Variants in DNHD1 observed in about 807,000 individuals in gnomAD.
DNHD1 encodes dynein heavy chain domain-containing protein 1.
A neutral mutation model predicts 458.1 loss-of-function variants in DNHD1; 383 were observed. The ratio of observed to expected loss-of-function variants is 0.84; its 90% CI spans 0.77 to 0.91. The LOEUF is 0.91. DNHD1 is among the 40% of genes least tolerant of loss of function. DNHD1 has a pLI of 0.00. For missense variants in DNHD1, 5,336 were observed against 5,866.1 expected, an observed-to-expected ratio of 0.91 and a Z score of 2.95; for synonymous variants, 2,203 against 2,376.9, an observed-to-expected ratio of 0.93 and a Z score of 2.13.
intron 7 of DNHD1, among the ~76,000 whole-genome samples, chr11:6,512,030 C>T (rs10839569): frequency 0.28 from 42,061 of 151,502 alleles, 6,449 homozygotes; most frequent in Non-Finnish European, 0.34. Flanking sequence ...GAGAGGAGGC[C>T]CACTCAGATT....
At chr11:6,567,905 G>C (rs778860551) in intron 36 of DNHD1, 45 bp downstream of exon 36, 1 of 1,538,458 alleles carries the variant, frequency 6.5e-7, no homozygotes, top group South Asian at 1.3e-5. Context: ...GGCTCCTGTG[G>C]GCTGGGGCAT....
chr11:6,568,464 C>T lies in DNHD1; in HGVS notation c.12549C>T (p.Asp4183=), dbSNP rs1188506022. Reference sequence around the variant, plus strand: ...CTTGTCTGACTCTAGTGGTTGCAGACCTGGAATCAGAACAGCTTTTAGACC... The same window carrying T: ...CTTGTCTGACTCTAGTGGTTGCAGATCTGGAATCAGAACAGCTTTTAGACC... ...ELLGRAKVVA[D]LESEQLLDQP... is the part of the protein sequence containing the mutation. Residue 4183 remains aspartate, a synonymous_variant, in exon 38 of 43, where the codon GAC becomes GAT. Coordinates refer to ENST00000254579, the MANE Select transcript of DNHD1 (RefSeq NM_144666.3). 4 of 1,613,496 alleles carry T rather than the reference C, an allele frequency of 2.5e-6. No individual in the cohort carries two copies. The highest frequency in any genetic ancestry group is 1.1e-5 in the South Asian group (1 of 91,076).
intron 3 of DNHD1, among the ~76,000 whole-genome samples, chr11:6,500,416 G>A (rs1852109861): frequency 1.3e-5 from 2 of 152,216 alleles, no homozygotes; most frequent in African/African-American, 4.8e-5. Context: ...TTTGCTGTAA[G>A]TTTATGGCTG....
Position 6,498,684 on chromosome 11 carries a change from C to A in DNHD1, c.469C>A (p.His157Asn). 2 of 1,614,226 alleles carry A rather than the reference C, an allele frequency of 1.2e-6. No homozygotes were observed. Among genetic ancestry groups the A allele is most frequent in the South Asian group, 2.2e-5 (2 of 91,078 alleles). ...ADCCPQKRRLHHRPPCPACPF... is the reference protein window; with the variant it reads ...ADCCPQKRRLNHRPPCPACPF... ...CTGCTGTCCCCAGAAGCGGAGGCTC[C>A]ATCACAGGCCCCCATGCCCAGCTTG... Residue 157 changes from histidine (H) to asparagine (N), a missense_variant, in exon 3 of 43, where the codon CAT (histidine) becomes AAT (asparagine). His to Asn is a moderately conservative substitution (Grantham distance 68). Transcript: ENST00000254579.
chr11:6,516,449 C>T (rs756104809), intron 7 of DNHD1, among the ~76,000 whole-genome samples: 1 of 151,828 alleles, frequency 6.6e-6, no homozygotes, highest in Non-Finnish European at 1.5e-5. Context: ...AGGTGCCCAC[C>T]ACCACGCCTG....
Position 6,544,258 on chromosome 11 carries a change from C to G in DNHD1, c.3754+12C>G. The G allele has an allele frequency of 6.4e-7, 1 of 1,551,354 alleles. No individual in the cohort carries two copies. The highest frequency in any genetic ancestry group is 1.2e-5 in the South Asian group (1 of 84,048). On this transcript the variant is annotated intron_variant, in intron 19 of 42. Coordinates refer to ENST00000254579, the MANE Select transcript of DNHD1 (RefSeq NM_144666.3). ...CATGCATGGCCTGGGTAAGTGCAGG[C>G]CTCTAGCCAGGCTGATGGGTGAGAC...
At position 6,566,333 on chromosome 11, in the gene DNHD1, G is replaced by A; in HGVS notation, c.11146G>A (p.Val3716Met). 1 of 1,553,958 alleles carries A rather than the reference G, an allele frequency of 6.4e-7. No homozygotes were observed. The highest frequency in any genetic ancestry group is 1.4e-5 in the African/African-American group (1 of 73,222). Residue 3716 changes from valine to methionine, a missense_variant, in exon 34 of 43, where the codon GTG becomes ATG. Physicochemically the swap from Val to Met is conservative, Grantham distance 21. This residue lies in a region of DNHD1 where 695 missense variants were observed against 804.2 expected (regional missense o/e 0.86). Transcript: ENST00000254579. ...LQREQLSPPQ[V>M]QPGFCLYLST... ...ACGGGAGCAGCTGAGTCCACCCCAG[G>A]TGCAGCCTGGCTTCTGTCTGTATCT... is the stretch of plus-strand genomic sequence containing the variant.
chr11:6,564,744 T>TTG lies in DNHD1; in HGVS notation c.10697_10698dup (p.Asp3567TrpfsTer25). 6.5e-7 allele frequency: 1 copy of TTG among 1,547,406 alleles called. No homozygotes were observed. Among genetic ancestry groups the TTG allele is most frequent in the Non-Finnish European group, 8.7e-7 (1 of 1,143,678 alleles). On this transcript the variant is annotated frameshift_variant, in exon 32 of 43. Coordinates refer to ENST00000254579, the MANE Select transcript of DNHD1 (RefSeq NM_144666.3). LOFTEE classifies it high-confidence loss of function. Reference sequence around the variant, plus strand: ...CCCCAGCAACGAGGCCCTCATCTGGTTGGACCCGCTGCCTCTGGAAGAGAA... The same window carrying TTG: ...CCCCAGCAACGAGGCCCTCATCTGGTTGTGGACCCGCTGCCTCTGGAAGAGAA...
At chr11:6,507,755 A>G (rs1852257470) in intron 4 of DNHD1, among the ~76,000 whole-genome samples, 1 of 152,210 alleles carries the variant, frequency 6.6e-6, no homozygotes, top group African/African-American at 2.4e-5. Flanking sequence ...CTTTGGTTTT[A>G]AATCCTGTAT....
At position 6,545,101 on chromosome 11, in the gene DNHD1, T is replaced by A. The variant is rs562275293; in HGVS notation, c.4162T>A (p.Phe1388Ile). ...AGCCCAGCTATGGGTACGACGCTGCTTTCCTCATGTGCATGCTGTGAGCTT... is the reference window on the plus strand; with the variant it reads ...AGCCCAGCTATGGGTACGACGCTGCATTCCTCATGTGCATGCTGTGAGCTT... ...CEAQLWVRRC[F>I]PHVHAVSFRS... The change falls in exon 21 of 43, where the codon TTT becomes ATT. Residue 1388 changes from phenylalanine to isoleucine, a missense_variant. Phe to Ile is a conservative substitution (Grantham distance 21). Around this residue, in one of 4 missense-constraint regions of DNHD1, gnomAD observed 3,932 missense variants for 4,365.6 expected, o/e 0.90. Transcript: ENST00000254579. This position sits in a 1 kb window ranked among gnomAD's most constrained non-coding sequence, Gnocchi z 4.9. 6.4e-7 allele frequency: 1 copy of A among 1,552,122 alleles called. No homozygotes were observed. Among genetic ancestry groups the A allele is most frequent in the East Asian group, 2.4e-5 (1 of 40,928 alleles).
chr11:6,528,262 A>G (rs780663800), intron 10 of DNHD1, among the ~76,000 whole-genome samples: 2 of 152,228 alleles, frequency 1.3e-5, no homozygotes, highest in Non-Finnish European at 2.9e-5. Flanking sequence ...ATATTCTGTA[A>G]TAAGTCCCTC....
chr11:6,558,518 G>C lies in DNHD1; in HGVS notation c.9036G>C (p.Leu3012=). Residue 3012 remains leucine (L), a synonymous_variant, in exon 26 of 43, where the codon CTG becomes CTC. Coordinates refer to ENST00000254579, the MANE Select transcript of DNHD1 (RefSeq NM_144666.3). ...FHQQVCSHLH[L]FFLIGDKQAH... ...AGCAAGTGTGCAGCCACCTTCACCT[G>C]TTCTTCCTGATTGGAGATAAACAGG... The C allele has an allele frequency of 6.4e-7, 1 of 1,551,692 alleles. No individual in the cohort carries two copies. The highest frequency in any genetic ancestry group is 2.4e-5 in the East Asian group (1 of 40,914).
chr11:6,570,534 AAAGGCTCAGAGG>A (rs1352310828), intron 41 of DNHD1, 72 bp from the exon 42 acceptor site: 2 of 1,484,734 alleles, frequency 1.3e-6, no homozygotes, highest in Admixed American at 4.6e-5. Flanking sequence ...TGATGGCAGT[AAAGGCTCAGAGG>A]AAGGCCTACT....
rs1211942152 is a variant in DNHD1, at chr11:6,533,938, G to A, written c.2763G>A (p.Gln921=). 6 of 1,551,354 alleles carry A rather than the reference G, an allele frequency of 3.9e-6. No individual in the cohort carries two copies. Among genetic ancestry groups the A allele is most frequent in the Admixed American group, 2.0e-5 (1 of 50,982 alleles). ...MWEAFQFEKS[Q]ASEFLLSKRH... ...AGGCATTTCAGTTTGAGAAAAGCCAGGCTTCAGAGTTCCTGCTCAGCAAGC... is the reference window on the plus strand; with the variant it reads ...AGGCATTTCAGTTTGAGAAAAGCCAAGCTTCAGAGTTCCTGCTCAGCAAGC... The change falls in exon 14 of 43, where the codon CAG becomes CAA. Residue 921 remains glutamine, a synonymous_variant. Coordinates refer to ENST00000254579, the MANE Select transcript of DNHD1 (RefSeq NM_144666.3).
At position 6,558,266 on chromosome 11, in the gene DNHD1, C is replaced by T. The variant is rs1335032033; in HGVS notation, c.8971C>T (p.Gln2991Ter). ...HLPRENLGVK[Q>*]NIKKEMVLQR... ...CCCCAGGGAGAACCTTGGTGTCAAA[C>T]AGAACATCAAGAAGGAAATGGTGTT... Residue 2991 changes from glutamine to a stop codon, truncating the protein, a stop_gained, in exon 25 of 43, where the codon CAG (glutamine) becomes TAG (stop). Coordinates refer to ENST00000254579, the MANE Select transcript of DNHD1 (RefSeq NM_144666.3). LOFTEE classifies it high-confidence loss of function. The T allele has an allele frequency of 3.9e-6, 6 of 1,551,418 alleles. No individual in the cohort carries two copies. In the African/African-American group the frequency reaches 6.8e-5, roughly 18 times the overall value.
At chr11:6,532,786 G>A (rs942526371) in intron 12 of DNHD1, among the ~76,000 whole-genome samples, 4 of 152,122 alleles carry the variant, frequency 2.6e-5, no homozygotes, top group Non-Finnish European at 5.9e-5. Context: ...GCCTCATATT[G>A]TGAGCTTTTC....
chr11:6,564,158 G>A lies in DNHD1; in HGVS notation c.10284+34G>A, dbSNP rs184788809. 9.7e-6 allele frequency: 15 copies of A among 1,540,784 alleles called. No individual in the cohort carries two copies. The East Asian group carries it at 3.2e-4, about 33-fold the overall frequency. ...CCCCCTCCCAGATGTCTCCCCCAAA[G>A]TTCCTTTTATGCCGTTCGCCTGCTC... On this transcript the variant is annotated intron_variant, in intron 31 of 42. Transcript: ENST00000254579.
chr11:6,512,211 C>CTTTTTTTTTTTT lies in DNHD1; in HGVS notation c.1392+798_1392+809dup, dbSNP rs11287049. On this transcript the variant is annotated intron_variant, in intron 7 of 42. Coordinates refer to ENST00000254579, the MANE Select transcript of DNHD1 (RefSeq NM_144666.3). ...CAAGGAATTTCTTTTCTTTTTCTTT[C>CTTTTTTTTTTTT]TTTTTTTTTTTTTTTTTTTTTTTTT... Among the ~76,000 whole-genome samples, 118 of 91,624 alleles carry CTTTTTTTTTTTT rather than the reference C, an allele frequency of 1.3e-3. 6 individuals are homozygous for CTTTTTTTTTTTT. The highest frequency in any genetic ancestry group is 4.8e-3 in the African/African-American group (102 of 21,342). The allele number at this position is 91,624 out of a possible 152,430, so 60.1% of individuals were successfully genotyped here. A position where few individuals can be genotyped will look rare whatever the true frequency, so the allele number is the denominator to read the frequency against.
At position 6,544,565 on chromosome 11, in the gene DNHD1, C is replaced by T. The variant is rs138965676; in HGVS notation, c.3755-9C>T. 29 of 1,549,540 alleles carry T rather than the reference C, an allele frequency of 1.9e-5. No individual in the cohort carries two copies. In the African/African-American group the frequency reaches 3.7e-4, roughly 20 times the overall value. ...TTTCCCACCAGCATTCCTCTGGCTG[C>T]TTACACAGGTGCCCTGCTGGAGGTG... On this transcript the variant is annotated splice_polypyrimidine_tract_variant and intron_variant, in intron 19 of 42. Coordinates refer to ENST00000254579, the MANE Select transcript of DNHD1 (RefSeq NM_144666.3).
Sources: gnomAD v4.1 joint callset for allele counts (sites outside exome capture counted in the v4.1 genomes callset) on GRCh38, gnomAD v4.1.1 for gene constraint, gnomAD v4.1.1 regional missense constraint, Gnocchi (gnomAD v3.1) non-coding constraint, MANE v1.5 for transcripts, NCBI Gene and HGNC (gene_info 2026-07-23, HGNC 2026-07-21) for gene names.